Variants in FAM240B observed in about 807,000 individuals in gnomAD.
FAM240B encodes the protein family with sequence similarity 240 member B.
At chr9:38,698,956 AG>A (rs1432214867) in intron 2 of FAM240B, among the ~76,000 whole-genome samples, 4 of 152,314 alleles carry the variant, frequency 2.6e-5, no homozygotes, top group African/African-American at 9.6e-5. Context: ...ATTTATATGT[AG>A]GGCTTTCCTT....
At chr9:38,713,175 T>C (rs1484743769) in intron 1 of FAM240B, among the ~76,000 whole-genome samples, 1 of 151,986 alleles carries the variant, frequency 6.6e-6, no homozygotes, top group Non-Finnish European at 1.5e-5. Context: ...TAAACATCAG[T>C]CTAGTTCAAG....
At chr9:38,714,192 T>A (rs1329926168) in intron 1 of FAM240B, among the ~76,000 whole-genome samples, 1 of 151,876 alleles carries the variant, frequency 6.6e-6, no homozygotes, top group Non-Finnish European at 1.5e-5. Flanking sequence ...AATAAACAAA[T>A]GGAGGAGAAA....
chr9:38,703,264 C>CT (rs1316801645), intron 2 of FAM240B, among the ~76,000 whole-genome samples: 2 of 152,194 alleles, frequency 1.3e-5, no homozygotes, highest in African/African-American at 2.4e-5. Flanking sequence ...ACTGCCCCTG[C>CT]TAGGACTAGC....
chr9:38,714,740 CTG>C (rs1367688439), intron 1 of FAM240B, among the ~76,000 whole-genome samples: 1 of 152,186 alleles, frequency 6.6e-6, no homozygotes, highest in Non-Finnish European at 1.5e-5. Flanking sequence ...TATGTGAACA[CTG>C]TTCATTTAGA....
At chr9:38,709,560 C>T (rs1037199570) in intron 1 of FAM240B, among the ~76,000 whole-genome samples, 1 of 152,260 alleles carries the variant, frequency 6.6e-6, no homozygotes, top group South Asian at 2.1e-4. Context: ...GTGGTGCCCC[C>T]GTCGGGGCTC....
rs185420216 is a variant in FAM240B at position 38,710,332 on chromosome 9, C to T, written c.-3-6330G>A. ...TCAGAATATAAGATCATTTATTTTT[C>T]TTAGAACCCAGATAACTGTGTTGTC... On this transcript the variant is annotated intron_variant, in intron 1 of 2. Coordinates refer to ENST00000637493, the MANE Select transcript of FAM240B (RefSeq NM_001394922.1). 5.2e-3 allele frequency among the ~76,000 whole-genome samples: 789 copies of T among 152,256 alleles called. 3 individuals are homozygous for T. The highest frequency in any genetic ancestry group is 9.5e-3 in the Non-Finnish European group (646 of 68,014).
Position 38,697,329 on chromosome 9 carries a change from G to A in FAM240B, c.144-2460C>T, listed in dbSNP as rs563402864. Among the ~76,000 whole-genome samples the A allele has an allele frequency of 3.3e-5, 5 of 152,274 alleles. No homozygotes were observed. In the East Asian group the frequency reaches 7.7e-4, roughly 24 times the overall value. ...GGGCATGGCCGTGGTATTAATGCAG[G>A]CCCGTCCCAGCAAACTGCAGAACTT... On this transcript the variant is annotated intron_variant, in intron 2 of 2. Transcript: ENST00000637493.
At chr9:38,716,472 T>TTA (rs1554688773) in intron 1 of FAM240B, among the ~76,000 whole-genome samples, 1 of 150,818 alleles carries the variant, frequency 6.6e-6, no homozygotes, top group East Asian at 2.0e-4. Context: ...ACTCCGCTCT[T>TTA]AAATAAAATA....
chr9:38,701,285 G>A (rs570032029), intron 2 of FAM240B, among the ~76,000 whole-genome samples: 4 of 152,224 alleles, frequency 2.6e-5, no homozygotes, highest in African/African-American at 9.6e-5. Context: ...AGTACACGTT[G>A]GGAGATTATT....
chr9:38,709,605 G>A (rs546632086), intron 1 of FAM240B, among the ~76,000 whole-genome samples: 2 of 152,262 alleles, frequency 1.3e-5, no homozygotes, highest in African/African-American at 4.8e-5. Flanking sequence ...TTCTCAAGTT[G>A]TTCTCTCTGT....
intron 1 of FAM240B, among the ~76,000 whole-genome samples, chr9:38,710,767 A>G (rs941257578): frequency 1.3e-5 from 2 of 152,152 alleles, no homozygotes; most frequent in Non-Finnish European, 2.9e-5. Flanking sequence ...GCTTATTTTT[A>G]TGCTCTTTAT....
At chr9:38,705,346 T>C (rs990519703) in intron 1 of FAM240B, 1 of 152,642 alleles carries the variant, frequency 6.6e-6, no homozygotes, top group African/African-American at 2.4e-5. Flanking sequence ...TCCCAGCACT[T>C]CGGGAGGCCG....
intron 1 of FAM240B, among the ~76,000 whole-genome samples, chr9:38,719,549 T>C (rs1821348413): frequency 1.3e-5 from 2 of 152,170 alleles, no homozygotes; most frequent in Non-Finnish European, 2.9e-5. Flanking sequence ...AAGGGAATTC[T>C]ACAGTTGAAT....
intron 1 of FAM240B, among the ~76,000 whole-genome samples, chr9:38,709,464 A>G (rs930936932): frequency 2.0e-5 from 3 of 152,178 alleles, no homozygotes; most frequent in African/African-American, 7.2e-5. Context: ...GTATTGATGG[A>G]AAACCTAGGC....
At chr9:38,700,446 G>A (rs1022413283) in intron 2 of FAM240B, among the ~76,000 whole-genome samples, 8 of 152,136 alleles carry the variant, frequency 5.3e-5, no homozygotes, top group African/African-American at 9.7e-5. Context: ...CTTCTTGCCC[G>A]AAAACATTAG....
intron 1 of FAM240B, among the ~76,000 whole-genome samples, chr9:38,710,841 A>G (rs1386799928): frequency 6.6e-6 from 1 of 152,176 alleles, no homozygotes; most frequent in Non-Finnish European, 1.5e-5. Flanking sequence ...AATTCCCACA[A>G]CAAGCGTCTT....
At chr9:38,707,242 A>C (rs906035416) in intron 1 of FAM240B, among the ~76,000 whole-genome samples, 15 of 152,184 alleles carry the variant, frequency 9.9e-5, no homozygotes, top group African/African-American at 2.9e-4. Flanking sequence ...ATTGATAATG[A>C]ACATTTTATT....
At chr9:38,703,459 G>T (rs1257292853) in intron 2 of FAM240B, among the ~76,000 whole-genome samples, 1 of 152,186 alleles carries the variant, frequency 6.6e-6, no homozygotes, top group African/African-American at 2.4e-5. Context: ...CTGACAGAAT[G>T]ACTCAAACTA....
intron 2 of FAM240B, among the ~76,000 whole-genome samples, chr9:38,695,838 CAAAT>C (rs1433195079): frequency 6.6e-6 from 1 of 152,306 alleles, no homozygotes; most frequent in Middle Eastern, 3.4e-3. Flanking sequence ...AGTGAACAAA[CAAAT>C]AGATTATTAG....
Sources: gnomAD v4.1 joint callset for allele counts (sites outside exome capture counted in the v4.1 genomes callset) on GRCh38, gnomAD v4.1.1 for gene constraint, MANE v1.5 for transcripts, NCBI Gene and HGNC (gene_info 2026-07-23, HGNC 2026-07-21) for gene names.